Variants in SLCO3A1 observed in about 807,000 individuals in gnomAD.
SLCO3A1 encodes PGE1 transporter.
Under a neutral mutation model 63.1 loss-of-function variants are expected in SLCO3A1, and 27 were observed. The ratio of observed to expected loss-of-function variants is 0.43; its 90% CI spans 0.32 to 0.59. The LOEUF is 0.59. Among genes scored for constraint, SLCO3A1 ranks in the 20% least tolerant of loss-of-function variants. The pLI, the probability that SLCO3A1 is intolerant of heterozygous loss-of-function variation, is 0.09. For missense variants in SLCO3A1, 773 were observed against 945.8 expected (o/e 0.82, Z 2.40); for synonymous variants, 473 against 409.9 (o/e 1.15, Z -1.86).
At chr15:91,994,088 T>C (rs1001256224) in intron 2 of SLCO3A1, among the ~76,000 whole-genome samples, 2 of 152,210 alleles carry the variant, frequency 1.3e-5, no homozygotes, top group Non-Finnish European at 2.9e-5. Context: ...CCTATAAAAT[T>C]TGCGTGACAT....
intron 2 of SLCO3A1, among the ~76,000 whole-genome samples, chr15:92,041,165 C>G (rs2046792161): frequency 6.6e-6 from 1 of 152,154 alleles, no homozygotes; most frequent in Non-Finnish European, 1.5e-5. Context: ...CAACCCTGGA[C>G]AGGAAGTAGA....
In SLCO3A1 at chr15:91,863,358, G is replaced by A. The variant is rs145711206; in HGVS notation, c.180+9270G>A. Among the ~76,000 whole-genome samples the A allele has an allele frequency of 1.3e-5, 2 of 152,356 alleles. No homozygotes were observed. Among genetic ancestry groups the A allele is most frequent in the Non-Finnish European group, 2.9e-5 (2 of 68,040 alleles). Reference sequence around the variant, plus strand: ...CTGTGGTCACTGTAGCTTTCAGGGTGGTGGAGGGCAGGGCCCCCTTAAGGT... The same window carrying A: ...CTGTGGTCACTGTAGCTTTCAGGGTAGTGGAGGGCAGGGCCCCCTTAAGGT... On this transcript the variant is annotated intron_variant, in intron 1 of 9. Transcript: ENST00000318445. This position sits in a 1 kb window ranked among gnomAD's most constrained non-coding sequence, Gnocchi z 4.3.
In SLCO3A1 at chr15:92,084,933, G is replaced by A. The variant is rs149667440; in HGVS notation, c.647-9948G>A. Among the ~76,000 whole-genome samples, 89 of 152,318 alleles carry A rather than the reference G, an allele frequency of 5.8e-4. 1 individual carries two copies. Among genetic ancestry groups the A allele is most frequent in the African/African-American group, 2.0e-3 (84 of 41,574 alleles). On this transcript the variant is annotated intron_variant, in intron 2 of 9. Transcript: ENST00000318445. ...AAGCCGCAGGGCCAGGCGGAAGGAG[G>A]GAGAACAAGAATGGGTGCCATGGAG...
At chr15:91,915,591 G>C (rs1398120984) in intron 1 of SLCO3A1, among the ~76,000 whole-genome samples, 1 of 152,132 alleles carries the variant, frequency 6.6e-6, no homozygotes, top group Non-Finnish European at 1.5e-5. Context: ...TCCTGGCATG[G>C]ACTTTATCCC....
At chr15:92,090,803 C>T (rs941353634) in intron 2 of SLCO3A1, among the ~76,000 whole-genome samples, 1 of 152,190 alleles carries the variant, frequency 6.6e-6, no homozygotes, top group African/African-American at 2.4e-5. Context: ...ATCTATTTAA[C>T]AAACCCTTCC....
intron 2 of SLCO3A1, among the ~76,000 whole-genome samples, chr15:91,977,388 C>T (rs1901158214): frequency 6.6e-6 from 1 of 152,080 alleles, no homozygotes; most frequent in African/African-American, 2.4e-5. Context: ...TTGTCGGTAA[C>T]ACACTTAGAG....
chr15:92,070,748 C>G (rs573535475), intron 2 of SLCO3A1, among the ~76,000 whole-genome samples: 1 of 151,892 alleles, frequency 6.6e-6, no homozygotes, highest in South Asian at 2.1e-4. Flanking sequence ...GGAACCCTGA[C>G]TGTGAGTTGA....
intron 2 of SLCO3A1, among the ~76,000 whole-genome samples, chr15:92,080,583 AG>A (rs750322956): frequency 6.6e-6 from 1 of 151,542 alleles, no homozygotes; most frequent in Non-Finnish European, 1.5e-5. Context: ...CTGGAGGAGA[AG>A]GAGAAACTGG....
chr15:92,007,269 AAC>A (rs1320655520), intron 2 of SLCO3A1, among the ~76,000 whole-genome samples: 6 of 152,204 alleles, frequency 3.9e-5, no homozygotes, highest in Admixed American at 3.9e-4. Flanking sequence ...AGAACCCATA[AAC>A]ACAAAATATT....
rs1454628608 is a variant in SLCO3A1, at chr15:92,133,423, A to G, written c.1512+4934A>G. Among the ~76,000 whole-genome samples the G allele has an allele frequency of 5.5e-5, 8 of 146,226 alleles. No individual in the cohort carries two copies. The East Asian group carries it at 1.3e-3, about 25-fold the overall frequency. The stretch of plus-strand genomic sequence containing the variant: ...CATATAGCAGGGGTCCCCCACATCT[A>G]GCACCAGTGCCAGTCTGCGGTACTG... On this transcript the variant is annotated intron_variant, in intron 7 of 9. Transcript: ENST00000318445.
intron 2 of SLCO3A1, among the ~76,000 whole-genome samples, chr15:92,053,863 T>C (rs931764441): frequency 7.2e-5 from 11 of 152,048 alleles, no homozygotes; most frequent in African/African-American, 2.4e-4. Context: ...GGTTTCTCCA[T>C]TGGGAAGCTG....
intron 2 of SLCO3A1, among the ~76,000 whole-genome samples, chr15:91,946,684 T>C (rs968209364): frequency 4.6e-5 from 7 of 152,222 alleles, no homozygotes; most frequent in African/African-American, 1.4e-4. Context: ...AGGATTATAC[T>C]GTTTCATTTT....
At chr15:92,134,848 A>G (rs1436916603) in intron 7 of SLCO3A1, among the ~76,000 whole-genome samples, 1 of 152,148 alleles carries the variant, frequency 6.6e-6, no homozygotes, top group African/African-American at 2.4e-5. Context: ...AACTTGCAGT[A>G]TCAGGCCTGC....
chr15:91,878,480 A>C (rs759505250), intron 1 of SLCO3A1, among the ~76,000 whole-genome samples: 5 of 152,158 alleles, frequency 3.3e-5, no homozygotes, highest in Non-Finnish European at 7.3e-5. Flanking sequence ...GACTGTTTGC[A>C]GGGCATGGTG....
intron 1 of SLCO3A1, among the ~76,000 whole-genome samples, chr15:91,880,275 C>A (rs1897537247): frequency 1.3e-5 from 2 of 152,114 alleles, no homozygotes; most frequent in South Asian, 4.2e-4. Flanking sequence ...TACCCAGTCT[C>A]CCCCAATAGT....
chr15:91,988,290 G>A (rs187316379), intron 2 of SLCO3A1, among the ~76,000 whole-genome samples: 2 of 152,140 alleles, frequency 1.3e-5, no homozygotes, highest in African/African-American at 2.4e-5. Context: ...GCAGTGAGCC[G>A]TGATTGCACC....
At chr15:92,094,830 C>T (rs371056448) in intron 2 of SLCO3A1, 51 bp from the exon 3 acceptor site, 2 of 1,190,136 alleles carry the variant, frequency 1.7e-6, no homozygotes, top group South Asian at 1.2e-5. Context: ...TGATTTTGCT[C>T]ATCGAATAGC....
At chr15:91,866,574 T>TAA (rs1567162722) in intron 1 of SLCO3A1, among the ~76,000 whole-genome samples, 1 of 144,700 alleles carries the variant, frequency 6.9e-6, no homozygotes, top group Admixed American at 6.8e-5. Flanking sequence ...GCTCCTTTTT[T>TAA]TAAAAAAAAA....
At chr15:91,888,969 A>G (rs1897797982) in intron 1 of SLCO3A1, 1 of 320,238 alleles carries the variant, frequency 3.1e-6, no homozygotes, top group Admixed American at 4.8e-5. Flanking sequence ...TGATCATGCT[A>G]TTGCAGTCCA....
Sources: gnomAD v4.1 joint callset for allele counts (sites outside exome capture counted in the v4.1 genomes callset) on GRCh38, gnomAD v4.1.1 for gene constraint, Gnocchi (gnomAD v3.1) non-coding constraint, MANE v1.5 for transcripts, NCBI Gene and HGNC (gene_info 2026-07-23, HGNC 2026-07-21) for gene names.